PPFIA2: variants seen among roughly 807,000 people sequenced by gnomAD.
The protein encoded by PPFIA2 is PPFI scaffold protein A2, also known as liprin-alpha-2.
PPFIA2 carries 46 observed loss-of-function variants against 175.5 expected under a neutral mutation model. The ratio of observed to expected loss-of-function variants is 0.26; its 90% CI spans 0.21 to 0.34. The LOEUF (loss-of-function observed/expected upper bound fraction) is 0.34. PPFIA2 is among the 10% of genes least tolerant of loss of function. The probability of loss-of-function intolerance (pLI) is 1.00; values close to 1 mark genes in which losing one functional copy is unlikely to be tolerated. For missense variants in PPFIA2, 1,179 were observed against 1,506.1 expected, an observed-to-expected ratio of 0.78 and a Z score of 3.60; for synonymous variants, 568 against 511.4, an observed-to-expected ratio of 1.11 and a Z score of -1.49.
chr12:81,586,479 T>G (rs1335615988), intron 4 of PPFIA2, among the ~76,000 whole-genome samples: 1 of 151,918 alleles, frequency 6.6e-6, no homozygotes. Context: ...GTAGATACAG[T>G]AAATTATATT....
chr12:81,379,813 A>ATTTAT (rs2037233779), intron 9 of PPFIA2, among the ~76,000 whole-genome samples: 1 of 152,206 alleles, frequency 6.6e-6, no homozygotes, highest in African/African-American at 2.4e-5. Context: ...TGAAGCCATC[A>ATTTAT]GTGGAACATA....
chr12:81,753,823 G>A (rs2084226858), intron 3 of PPFIA2, 150 bp downstream of exon 3: 1 of 1,003,926 alleles, frequency 1.0e-6, no homozygotes, highest in Admixed American at 2.8e-5. Flanking sequence ...AAGGTTTCAA[G>A]TGAACTAATC....
intron 23 of PPFIA2, chr12:81,296,695 A>G (rs1055091617): frequency 3.9e-5 from 6 of 152,184 alleles, no homozygotes; most frequent in Admixed American, 3.9e-4. Context: ...AAAACTATAA[A>G]TCAGCAAAAT....
At chr12:81,474,899 A>T (rs1408244660) in intron 4 of PPFIA2, among the ~76,000 whole-genome samples, 2 of 152,236 alleles carry the variant, frequency 1.3e-5, no homozygotes, top group Non-Finnish European at 2.9e-5. Flanking sequence ...GATACAAAAG[A>T]GGGACTCTGA....
At chr12:81,654,951 C>A (rs1354199798) in intron 4 of PPFIA2, among the ~76,000 whole-genome samples, 4 of 152,012 alleles carry the variant, frequency 2.6e-5, no homozygotes, top group African/African-American at 9.7e-5. Flanking sequence ...CTGAAGTTTT[C>A]TTTGTGAGAG....
At chr12:81,511,292 A>AC (rs1029670243) in intron 4 of PPFIA2, among the ~76,000 whole-genome samples, 1 of 152,148 alleles carries the variant, frequency 6.6e-6, no homozygotes, top group Non-Finnish European at 1.5e-5. Flanking sequence ...ACCACTGCCA[A>AC]CAGACACTTT....
intron 4 of PPFIA2, chr12:81,465,419 C>T (rs868705135): frequency 6.6e-6 from 1 of 151,994 alleles, no homozygotes; most frequent in Non-Finnish European, 1.5e-5. Context: ...TCAAAAATAG[C>T]GCTCAGGAAA....
intron 4 of PPFIA2, among the ~76,000 whole-genome samples, chr12:81,580,384 T>C (rs2074225788): frequency 6.6e-6 from 1 of 151,746 alleles, no homozygotes. Context: ...GCTATAAGGA[T>C]TCCATACTAA....
intron 8 of PPFIA2, among the ~76,000 whole-genome samples, chr12:81,386,933 A>C (rs897277293): frequency 1.3e-5 from 2 of 152,176 alleles, no homozygotes; most frequent in African/African-American, 4.8e-5. Flanking sequence ...GGCTAAATAC[A>C]GAAAACCACA....
chr12:81,462,585 C>CATATATATATATAT (rs71098145), intron 4 of PPFIA2, among the ~76,000 whole-genome samples: 41 of 124,660 alleles, frequency 3.3e-4, no homozygotes, highest in African/African-American at 6.3e-4. Context: ...TATATATATA[C>CATATATATATATAT]ATATATATAT....
chr12:81,405,965 T>C, intron 7 of PPFIA2, 62 bp from the exon 8 acceptor site: 1 of 911,188 alleles, frequency 1.1e-6, no homozygotes, highest in Non-Finnish European at 1.7e-6. Flanking sequence ...AAAAAGAAAA[T>C]GAATTTACTT....
At chr12:81,390,578 G>A (rs966442391) in intron 8 of PPFIA2, among the ~76,000 whole-genome samples, 3 of 151,782 alleles carry the variant, frequency 2.0e-5, no homozygotes, top group Non-Finnish European at 4.4e-5. Context: ...ATCTTATTTG[G>A]AGAAATGTCT....
intron 28 of PPFIA2, chr12:81,270,767 T>G (rs7979947): frequency 6.6e-6 from 1 of 151,972 alleles, no homozygotes; most frequent in African/African-American, 2.4e-5. Flanking sequence ...ACAGCAGCCC[T>G]GACAAACTAA....
rs1019511680 is a variant in PPFIA2 at position 81,427,033 on chromosome 12, GATTA to G, written c.645+12935_645+12938del. 3.5e-4 allele frequency among the ~76,000 whole-genome samples: 53 copies of G among 152,138 alleles called. 1 individual carries two copies. Among genetic ancestry groups the G allele is most frequent in the African/African-American group, 1.2e-3 (50 of 41,518 alleles). ...GGCATTTTTAAAGGTAGTTTAATTT[GATTA>G]ATTGATTGAATACATGCTTTATTGA... On this transcript the variant is annotated intron_variant, in intron 7 of 32. Transcript: ENST00000549396.
chr12:81,439,530 T>C (rs187058603), intron 7 of PPFIA2, among the ~76,000 whole-genome samples: 2 of 152,138 alleles, frequency 1.3e-5, no homozygotes, highest in African/African-American at 4.8e-5. Context: ...GTGGATTCAG[T>C]GACGTCACTA....
At chr12:81,483,991 G>A (rs11114881) in intron 4 of PPFIA2, among the ~76,000 whole-genome samples, 11,499 of 151,652 alleles carry the variant, frequency 0.076, 565 homozygotes, top group East Asian at 0.2. Context: ...AGTATCCCTC[G>A]GGGTAGGAAT....
chr12:81,667,463 G>T (rs17008875), intron 4 of PPFIA2, among the ~76,000 whole-genome samples: 1,815 of 151,996 alleles, frequency 0.012, 40 homozygotes, highest in African/African-American at 0.041. Context: ...TCTCTACTTT[G>T]GTGCTCACAC....
At chr12:81,322,378 CAG>C (rs1206286978) in intron 22 of PPFIA2, among the ~76,000 whole-genome samples, 2 of 152,054 alleles carry the variant, frequency 1.3e-5, no homozygotes, top group Non-Finnish European at 2.9e-5. Flanking sequence ...GATAAGATCT[CAG>C]AGAGTCATGG....
At chr12:81,452,845 G>A (rs556897886) in intron 5 of PPFIA2, among the ~76,000 whole-genome samples, 79 of 152,114 alleles carry the variant, frequency 5.2e-4, no homozygotes, top group Non-Finnish European at 8.8e-4. Flanking sequence ...GGTAAGAAAT[G>A]TGTCAAATGC....
Sources: gnomAD v4.1 joint callset for allele counts (sites outside exome capture counted in the v4.1 genomes callset) on GRCh38, gnomAD v4.1.1 for gene constraint, MANE v1.5 for transcripts, NCBI Gene and HGNC (gene_info 2026-07-23, HGNC 2026-07-21) for gene names.